Variants in KIF21B observed in about 807,000 individuals in gnomAD.
KIF21B encodes the protein kinesin-like protein KIF21B.
In KIF21B, 85 loss-of-function variants were observed where a neutral mutation model predicts 192.9. The ratio of observed to expected loss-of-function variants is 0.44; its 90% CI spans 0.37 to 0.53. KIF21B has a LOEUF of 0.53. Among genes scored for constraint, KIF21B ranks in the 20% least tolerant of loss-of-function variants. The probability of loss-of-function intolerance (pLI) is 0.00; values close to 1 mark genes in which losing one functional copy is unlikely to be tolerated. For synonymous variants in KIF21B, 832 were observed against 884.6 expected (o/e 0.94, Z 1.05); for missense variants, 1,716 against 2,194.8 (o/e 0.78, Z 4.36).
chr1:200,982,041 G>C lies in KIF21B; in HGVS notation c.3843-945C>G, dbSNP rs1208191192. ...CCAAGGGTCTACTGAAATGATCAAG[G>C]TTTTGCCTGTGGCGCTTCTGGCACA... On this transcript the variant is annotated intron_variant, in intron 28 of 34. Coordinates refer to ENST00000461742, the MANE Select transcript of KIF21B (RefSeq NM_001252102.2). The surrounding 1 kb of genome is among the most constrained non-coding windows in gnomAD (Gnocchi z 4.7). Among the ~76,000 whole-genome samples the C allele has an allele frequency of 6.6e-6, 1 of 152,114 alleles. No homozygotes were observed. The highest frequency in any genetic ancestry group is 1.5e-5 in the Non-Finnish European group (1 of 68,018).
Position 200,999,118 on chromosome 1 carries a change from T to C in KIF21B, c.1885+231A>G, listed in dbSNP as rs1251167912. 1.3e-5 allele frequency among the ~76,000 whole-genome samples: 2 copies of C among 152,114 alleles called. No homozygotes were observed. The highest frequency in any genetic ancestry group is 2.4e-5 in the African/African-American group (1 of 41,396). On this transcript the variant is annotated intron_variant, in intron 13 of 34. Coordinates refer to ENST00000461742, the MANE Select transcript of KIF21B (RefSeq NM_001252102.2). The surrounding 1 kb of genome is among the most constrained non-coding windows in gnomAD (Gnocchi z 4.7). ...CTATGCATACAGTTGCAGTGAAGACTGAAAGAACCTAGCCGCTCAAAGGGT... is the reference window on the plus strand; with the variant it reads ...CTATGCATACAGTTGCAGTGAAGACCGAAAGAACCTAGCCGCTCAAAGGGT...
At chr1:200,997,545 C>T (rs1657149656) in intron 14 of KIF21B, among the ~76,000 whole-genome samples, 1 of 152,230 alleles carries the variant, frequency 6.6e-6, no homozygotes, top group Admixed American at 6.5e-5. Context: ...GAGTTCAAGA[C>T]CAGCCTGGCC....
At chr1:201,022,559 AC>A (rs1360246846) in intron 1 of KIF21B, among the ~76,000 whole-genome samples, 2 of 151,750 alleles carry the variant, frequency 1.3e-5, no homozygotes, top group Non-Finnish European at 2.9e-5. Context: ...TCCCAATAGA[AC>A]CCACCCAGCC....
At chr1:200,988,095 C>T (rs892169001) in intron 24 of KIF21B, among the ~76,000 whole-genome samples, 2 of 152,228 alleles carry the variant, frequency 1.3e-5, no homozygotes, top group African/African-American at 4.8e-5. Flanking sequence ...ACCTTCCACC[C>T]ACCTCAGAAG....
rs1571905388 is a variant in KIF21B at position 200,974,576 on chromosome 1, A to C, written c.4814+138T>G. On this transcript the variant is annotated intron_variant, in intron 34 of 34. Transcript: ENST00000461742. Reference sequence around the variant, plus strand: ...GAAGGCTGGCACAGGCTAGGTATGCAAAGGAGGCCACCATGGAATCTGCTC... The same window carrying C: ...GAAGGCTGGCACAGGCTAGGTATGCCAAGGAGGCCACCATGGAATCTGCTC... The C allele has an allele frequency of 4.6e-6, 4 of 869,688 alleles. No homozygotes were observed. In the East Asian group the frequency reaches 1.0e-4, roughly 23 times the overall value. The allele number at this position is 869,688 out of a possible 1,614,324, so 53.9% of individuals were successfully genotyped here. A position where few individuals can be genotyped will look rare whatever the true frequency, so the allele number is the denominator to read the frequency against.
In KIF21B at chr1:201,017,536, G is replaced by A. The variant is rs534587506; in HGVS notation, c.41+5807C>T. Among the ~76,000 whole-genome samples, 1 of 152,350 alleles carries A rather than the reference G, an allele frequency of 6.6e-6. No homozygotes were observed. Among genetic ancestry groups the A allele is most frequent in the South Asian group, 2.1e-4 (1 of 4,828 alleles). Reference sequence around the variant, plus strand: ...AGGAGACGCTGCAGAGTCAGGCTTCGCCCAGAGCCCAGAGCTGTGACGGTA... The same window carrying A: ...AGGAGACGCTGCAGAGTCAGGCTTCACCCAGAGCCCAGAGCTGTGACGGTA... On this transcript the variant is annotated intron_variant, in intron 1 of 34. Transcript: ENST00000461742. The surrounding 1 kb of genome is among the most constrained non-coding windows in gnomAD (Gnocchi z 4.1).
chr1:201,013,866 T>C (rs958652151), intron 1 of KIF21B, among the ~76,000 whole-genome samples: 2 of 152,236 alleles, frequency 1.3e-5, no homozygotes, highest in Non-Finnish European at 2.9e-5. Flanking sequence ...AGTAAAGTTT[T>C]GCGGCCCAAA....
intron 1 of KIF21B, among the ~76,000 whole-genome samples, chr1:201,021,769 C>T (rs1658842002): frequency 6.6e-6 from 1 of 152,202 alleles, no homozygotes; most frequent in Non-Finnish European, 1.5e-5. Flanking sequence ...CCCCCAAGCC[C>T]CTTCCTTCCC....
At position 201,011,891 on chromosome 1, in the gene KIF21B, CATCCCTGGAGA is replaced by C. The variant is rs1571967787; in HGVS notation, c.42-2414_42-2404del. Among the ~76,000 whole-genome samples, 4 of 152,358 alleles carry C rather than the reference CATCCCTGGAGA, an allele frequency of 2.6e-5. No homozygotes were observed. In the East Asian group the frequency reaches 7.7e-4, roughly 29 times the overall value. Reference sequence around the variant, plus strand: ...TGATGATTGGAGAAAATCGAATCATCATCCCTGGAGACAGTGGAGCAGGGGAGGGGGAGCAA... The same window carrying C: ...TGATGATTGGAGAAAATCGAATCATCCAGTGGAGCAGGGGAGGGGGAGCAA... On this transcript the variant is annotated intron_variant, in intron 1 of 34. Transcript: ENST00000461742.
rs760858891 is a variant in KIF21B at position 200,974,803 on chromosome 1, G to A, written c.4725C>T (p.Asp1575=). 2.5e-6 allele frequency: 4 copies of A among 1,614,258 alleles called. No homozygotes were observed. In the South Asian group the frequency reaches 4.4e-5, roughly 18 times the overall value. The part of the protein sequence containing the change: ...RAGVIKVWNV[D]NFTPIGEIKG... The stretch of plus-strand genomic sequence containing the variant: ...TGATCTCACCGATGGGTGTGAAGTT[G>A]TCCACGTTCCAGACCTTGATGACAC... Residue 1575 remains aspartate, a synonymous_variant, in exon 34 of 35, where the codon GAC becomes GAT. Coordinates refer to ENST00000461742, the MANE Select transcript of KIF21B (RefSeq NM_001252102.2).
chr1:200,993,768 A>AG (rs1341395584), intron 15 of KIF21B, among the ~76,000 whole-genome samples: 1 of 143,300 alleles, frequency 7.0e-6, no homozygotes, highest in Admixed American at 6.9e-5. Context: ...AACAAAACAA[A>AG]AAAAAAAAAA....
intron 30 of KIF21B, among the ~76,000 whole-genome samples, chr1:200,979,053 A>G (rs1655742695): frequency 6.6e-6 from 1 of 152,204 alleles, no homozygotes; most frequent in African/African-American, 2.4e-5. Context: ...AGGATGTAGC[A>G]TGACTTCTGC....
chr1:201,004,592 A>G, intron 6 of KIF21B, 137 bp from the exon 7 acceptor site: 1 of 1,118,176 alleles, frequency 8.9e-7, no homozygotes, highest in Non-Finnish European at 1.3e-6. Context: ...GTTTATAGGC[A>G]CATGGATAAG....
In KIF21B at chr1:200,971,940, A is replaced by G. The variant is rs1655232853; in HGVS notation, c.*1581T>C. 6.6e-6 allele frequency: 1 copy of G among 152,188 alleles called. No individual in the cohort carries two copies. The highest frequency in any genetic ancestry group is 2.1e-4 in the South Asian group (1 of 4,822). 9.4% of individuals were successfully genotyped at this position (152,188 alleles called of 1,614,324 possible). A position where few individuals can be genotyped will look rare whatever the true frequency, so the allele number is the denominator to read the frequency against. On this transcript the variant is annotated 3_prime_UTR_variant, in exon 35 of 35. Transcript: ENST00000461742. ...GCAGAAACACAGAACCACCTCTGGA[A>G]AGTCCAAAAGTCACTGCGTCCTCTG...
At chr1:200,976,416 G>T (rs1429124828) in intron 32 of KIF21B, among the ~76,000 whole-genome samples, 1 of 152,156 alleles carries the variant, frequency 6.6e-6, no homozygotes, top group African/African-American at 2.4e-5. Context: ...TTCTGACTGT[G>T]TATGGACAGT....
At position 200,975,765 on chromosome 1, in the gene KIF21B, C is replaced by A; in HGVS notation, c.4444-96G>T. The A allele has an allele frequency of 7.8e-7, 1 of 1,285,918 alleles. No homozygotes were observed. Among genetic ancestry groups the A allele is most frequent in the South Asian group, 1.5e-5 (1 of 66,446 alleles). 79.7% of individuals were successfully genotyped at this position (1,285,918 alleles called of 1,614,324 possible). A position where few individuals can be genotyped will look rare whatever the true frequency, so the allele number is the denominator to read the frequency against. On this transcript the variant is annotated intron_variant, in intron 32 of 34. Coordinates refer to ENST00000461742, the MANE Select transcript of KIF21B (RefSeq NM_001252102.2). The surrounding 1 kb of genome is among the most constrained non-coding windows in gnomAD (Gnocchi z 4.3). Reference sequence around the variant, plus strand: ...CCCAGAGGCCTGAAGACCCAGGAGTCTGGCTAGGGTGACAGCCACTGCCCT... The same window carrying A: ...CCCAGAGGCCTGAAGACCCAGGAGTATGGCTAGGGTGACAGCCACTGCCCT...
At chr1:200,973,793 T>C (rs1655357661) in intron 34 of KIF21B, 2 of 1,435,244 alleles carry the variant, frequency 1.4e-6, no homozygotes, top group African/African-American at 2.9e-5. Flanking sequence ...AGGGGAGCTT[T>C]GTCATGGGTT....
At chr1:200,981,171 G>T in intron 28 of KIF21B, 75 bp from the exon 29 acceptor site, 1 of 1,482,864 alleles carries the variant, frequency 6.7e-7, no homozygotes, top group Non-Finnish European at 9.0e-7. Flanking sequence ...AGGCACGTGT[G>T]TGGGATGGGG....
chr1:201,012,918 G>C (rs1281417368), intron 1 of KIF21B, among the ~76,000 whole-genome samples: 1 of 152,126 alleles, frequency 6.6e-6, no homozygotes, highest in East Asian at 1.9e-4. Flanking sequence ...TGGCATTATA[G>C]GTGTGAGCTA....
Sources: gnomAD v4.1 joint callset for allele counts (sites outside exome capture counted in the v4.1 genomes callset) on GRCh38, gnomAD v4.1.1 for gene constraint, Gnocchi (gnomAD v3.1) non-coding constraint, MANE v1.5 for transcripts, NCBI Gene and HGNC (gene_info 2026-07-23, HGNC 2026-07-21) for gene names.